Variants in SEMA5A observed in about 807,000 individuals in gnomAD.
SEMA5A encodes the protein semaphorin 5A.
A neutral mutation model predicts 135.5 loss-of-function variants in SEMA5A; 55 were observed. That is an observed-to-expected ratio of 0.41 (90% CI 0.33 to 0.51). The LOEUF (loss-of-function observed/expected upper bound fraction) is 0.51. Among genes scored for constraint, SEMA5A ranks in the 20% least tolerant of loss-of-function variants. The pLI is 0.37. For missense variants in SEMA5A, 1,290 were observed against 1,419.9 expected (o/e 0.91, Z 1.47); for synonymous variants, 580 against 546.5 (o/e 1.06, Z -0.85).
intron 6 of SEMA5A, 65 bp downstream of exon 6, chr5:9,237,763 T>G: frequency 7.1e-7 from 1 of 1,409,178 alleles, no homozygotes; most frequent in Non-Finnish European, 9.9e-7. Context: ...CATATCAACA[T>G]GCTTTATATA....
chr5:9,140,395 T>C (rs1295890038), intron 12 of SEMA5A, among the ~76,000 whole-genome samples: 1 of 152,238 alleles, frequency 6.6e-6, no homozygotes, highest in East Asian at 1.9e-4. Context: ...GCATTTATTA[T>C]CCAGGTGTCA....
intron 12 of SEMA5A, among the ~76,000 whole-genome samples, chr5:9,143,724 T>C (rs1330354390): frequency 6.6e-6 from 1 of 152,178 alleles, no homozygotes; most frequent in Non-Finnish European, 1.5e-5. Context: ...GTGATTAACT[T>C]GGTTTGCCAG....
At chr5:9,522,111 T>C (rs931360433) in intron 1 of SEMA5A, among the ~76,000 whole-genome samples, 1 of 152,070 alleles carries the variant, frequency 6.6e-6, no homozygotes, top group African/African-American at 2.4e-5. Context: ...CTCTGTTACC[T>C]CCACAGCCTG....
At chr5:9,288,441 C>T in intron 5 of SEMA5A, among the ~76,000 whole-genome samples, 1 of 152,170 alleles carries the variant, frequency 6.6e-6, no homozygotes. Context: ...TTCCAAGGAC[C>T]TTTTCCATGG....
At chr5:9,161,825 A>T (rs1743273562) in intron 11 of SEMA5A, among the ~76,000 whole-genome samples, 1 of 152,258 alleles carries the variant, frequency 6.6e-6, no homozygotes, top group Non-Finnish European at 1.5e-5. Context: ...AGTGTTTAAA[A>T]ATCCCTGCAC....
chr5:9,359,291 T>C (rs1754589265), intron 3 of SEMA5A, among the ~76,000 whole-genome samples: 1 of 152,136 alleles, frequency 6.6e-6, no homozygotes, highest in Admixed American at 6.5e-5. Context: ...TTTCCTCAGC[T>C]ACATAAAAGG....
At chr5:9,320,144 A>C (rs571943298) in intron 4 of SEMA5A, among the ~76,000 whole-genome samples, 13 of 152,184 alleles carry the variant, frequency 8.5e-5, no homozygotes, top group African/African-American at 3.1e-4. Context: ...CCGAGTGAAA[A>C]CAGCCTCACC....
intron 8 of SEMA5A, among the ~76,000 whole-genome samples, chr5:9,216,819 T>C (rs1276148836): frequency 6.6e-6 from 1 of 152,208 alleles, no homozygotes; most frequent in Non-Finnish European, 1.5e-5. Flanking sequence ...TTTTTCTCTT[T>C]TCCATTTGCT....
At chr5:9,064,632 C>T (rs1005053107) in intron 17 of SEMA5A, among the ~76,000 whole-genome samples, 4 of 151,964 alleles carry the variant, frequency 2.6e-5, no homozygotes, top group African/African-American at 7.3e-5. Context: ...CACCACAGAC[C>T]GGGGCCTGTC....
At position 9,066,743 on chromosome 5, in the gene SEMA5A, A is replaced by T. The variant is rs1193410507; in HGVS notation, c.2074-97T>A. The stretch of plus-strand genomic sequence containing the variant: ...TTAGGGAAAGATAAGGGTCTCTAAA[A>T]CACCAGCTCCTAAGACACTCACAGC... On this transcript the variant is annotated intron_variant, in intron 16 of 22. Coordinates refer to ENST00000382496, the MANE Select transcript of SEMA5A (RefSeq NM_003966.3). The T allele has an allele frequency of 9.0e-6, 9 of 999,540 alleles. No homozygotes were observed. The Admixed American group carries it at 1.8e-4, about 20-fold the overall frequency. 61.9% of individuals were successfully genotyped at this position (999,540 alleles called of 1,614,324 possible).
Position 9,192,792 on chromosome 5 carries a change from C to A in SEMA5A, c.1069-2321G>T, listed in dbSNP as rs182629203. Reference sequence around the variant, plus strand: ...ACATTCCTGAAATCAGTGGTGATACCCAAGTCACGGCGGCAGTTAGCTGCC... The same window carrying A: ...ACATTCCTGAAATCAGTGGTGATACACAAGTCACGGCGGCAGTTAGCTGCC... On this transcript the variant is annotated intron_variant, in intron 10 of 22. Coordinates refer to ENST00000382496, the MANE Select transcript of SEMA5A (RefSeq NM_003966.3). Among the ~76,000 whole-genome samples the A allele has an allele frequency of 1.2e-3, 178 of 152,216 alleles. 1 individual carries two copies. Among genetic ancestry groups the A allele is most frequent in the African/African-American group, 4.0e-3 (168 of 41,526 alleles).
chr5:9,511,712 AAAGAT>A (rs1244050665), intron 1 of SEMA5A, among the ~76,000 whole-genome samples: 2 of 152,222 alleles, frequency 1.3e-5, no homozygotes, highest in African/African-American at 4.8e-5. Context: ...CAAAAAAAAG[AAAGAT>A]AAGTAAATAA....
intron 2 of SEMA5A, among the ~76,000 whole-genome samples, chr5:9,424,738 T>C (rs1356341939): frequency 1.3e-5 from 2 of 152,116 alleles, no homozygotes; most frequent in Non-Finnish European, 2.9e-5. Context: ...AATTCATTCT[T>C]AATTTATCTT....
chr5:9,504,940 C>T (rs1735793915), intron 1 of SEMA5A, among the ~76,000 whole-genome samples: 2 of 152,238 alleles, frequency 1.3e-5, no homozygotes, highest in Admixed American at 1.3e-4. Flanking sequence ...TTTCCTCACC[C>T]CTGTGCTTGG....
intron 9 of SEMA5A, 43 bp from the exon 10 acceptor site, chr5:9,197,346 C>T (rs376660844): frequency 2.1e-4 from 335 of 1,598,550 alleles, no homozygotes; most frequent in Non-Finnish European, 2.8e-4. Flanking sequence ...GAGAGCTCGG[C>T]AGCACCTGCT....
At chr5:9,229,440 G>T (rs1346338391) in intron 6 of SEMA5A, among the ~76,000 whole-genome samples, 2 of 152,108 alleles carry the variant, frequency 1.3e-5, no homozygotes, top group African/African-American at 4.8e-5. Context: ...ACACAGGAGG[G>T]CCAGGGAAGA....
At chr5:9,201,916 G>T in intron 9 of SEMA5A, 39 bp downstream of exon 9, 1 of 1,570,430 alleles carries the variant, frequency 6.4e-7, no homozygotes, top group Non-Finnish European at 8.7e-7. Context: ...TTCAGAATGA[G>T]TAAGAGAGAG....
chr5:9,081,749 G>A (rs1424220883), intron 16 of SEMA5A, among the ~76,000 whole-genome samples: 2 of 152,130 alleles, frequency 1.3e-5, no homozygotes, highest in African/African-American at 4.8e-5. Context: ...GAATAGTGAT[G>A]AACTATGCAT....
chr5:9,080,539 T>TAA (rs11409624), intron 16 of SEMA5A, among the ~76,000 whole-genome samples: 1,917 of 146,366 alleles, frequency 0.013, 8 homozygotes, highest in African/African-American at 0.018. Flanking sequence ...ACTCTTAAAT[T>TAA]AAAAAAAAAA....
Sources: gnomAD v4.1 joint callset for allele counts (sites outside exome capture counted in the v4.1 genomes callset) on GRCh38, gnomAD v4.1.1 for gene constraint, MANE v1.5 for transcripts, NCBI Gene and HGNC (gene_info 2026-07-23, HGNC 2026-07-21) for gene names.